FRS2: variants seen among roughly 807,000 people sequenced by gnomAD.
The protein encoded by FRS2 is fibroblast growth factor receptor substrate 2.
FRS2 carries 8 observed loss-of-function variants against 43.9 expected under a neutral mutation model. The observed-to-expected ratio is 0.18, with a 90% CI of 0.11 to 0.33. The LOEUF (loss-of-function observed/expected upper bound fraction) is 0.33. Among genes scored for constraint, FRS2 ranks in the 10% least tolerant of loss-of-function variants. The pLI is 1.00. For missense variants in FRS2, 534 were observed against 627.6 expected, an observed-to-expected ratio of 0.85 and a Z score of 1.59; for synonymous variants, 219 against 220.3, an observed-to-expected ratio of 0.99 and a Z score of 0.05.
In FRS2 at chr12:69,496,400, G is replaced by C. The variant is rs529420535; in HGVS notation, c.-261+25870G>C. 6.1e-3 allele frequency among the ~76,000 whole-genome samples: 922 copies of C among 151,938 alleles called. 10 individuals are homozygous for C. The highest frequency in any genetic ancestry group is 0.017 in the Middle Eastern group (5 of 294). ...TGCAGTGAGCCGAGATCGCGCCACT[G>C]CACCTCCAGTCTGGTGACAGAGTGA... On this transcript the variant is annotated intron_variant, in intron 1 of 8. Transcript: ENST00000549921.
At position 69,558,212 on chromosome 12, in the gene FRS2, A is replaced by G. The variant is rs1593052373; in HGVS notation, c.-121-3968A>G. Among the ~76,000 whole-genome samples, 3 of 152,312 alleles carry G rather than the reference A, an allele frequency of 2.0e-5. No homozygotes were observed. In the East Asian group the frequency reaches 5.8e-4, roughly 29 times the overall value. The stretch of plus-strand genomic sequence containing the variant: ...TGCAAGTCCAGTTGCTGTCGGGGGA[A>G]TGTTTATAAATGGATGTTGTGCCTT... On this transcript the variant is annotated intron_variant, in intron 3 of 8. Coordinates refer to ENST00000549921, the MANE Select transcript of FRS2 (RefSeq NM_001278356.2).
chr12:69,489,668 CAA>C (rs11334694), intron 1 of FRS2, among the ~76,000 whole-genome samples: 26 of 91,668 alleles, frequency 2.8e-4, no homozygotes, highest in East Asian at 1.2e-3. Flanking sequence ...GACTCCATCT[CAA>C]AAAAAAAAAA....
In FRS2 at chr12:69,565,982, GT is replaced by G. The variant is rs35354118; in HGVS notation, c.-26-3014del. 5.3e-5 allele frequency among the ~76,000 whole-genome samples: 8 copies of G among 151,362 alleles called. No individual in the cohort carries two copies. In the East Asian group the frequency reaches 5.8e-4, roughly 11 times the overall value. ...GTTTTATACACTGGCAGTGCAGTAG[GT>G]TTTTTTTTATACCAGCATTATCTCA... On this transcript the variant is annotated intron_variant, in intron 4 of 8. Transcript: ENST00000549921.
Position 69,571,256 on chromosome 12 carries a change from C to G in FRS2, c.254-20C>G. 6.5e-7 allele frequency: 1 copy of G among 1,546,418 alleles called. No homozygotes were observed. Among genetic ancestry groups the G allele is most frequent in the Non-Finnish European group, 8.7e-7 (1 of 1,144,262 alleles). Reference sequence around the variant, plus strand: ...TTAAAGGTATGTTAACTATTTTTCCCTTTTGGTTTATATTTGTAGGAATCT... The same window carrying G: ...TTAAAGGTATGTTAACTATTTTTCCGTTTTGGTTTATATTTGTAGGAATCT... On this transcript the variant is annotated intron_variant, in intron 6 of 8. Transcript: ENST00000549921.
intron 1 of FRS2, among the ~76,000 whole-genome samples, chr12:69,487,079 A>G (rs221088): frequency 0.61 from 92,576 of 152,160 alleles, 30,035 homozygotes; most frequent in African/African-American, 0.85. Context: ...GGCTTGCTAA[A>G]TTGCCCAGGC....
At chr12:69,501,159 G>A (rs1005088328) in intron 1 of FRS2, among the ~76,000 whole-genome samples, 3 of 124,620 alleles carry the variant, frequency 2.4e-5, no homozygotes, top group African/African-American at 1.1e-4. Flanking sequence ...ACTTGTTTAG[G>A]AATTGCCATC....
rs143740012 is a variant in FRS2 at position 69,567,349 on chromosome 12, G to A, written c.-26-1656G>A. Among the ~76,000 whole-genome samples the A allele has an allele frequency of 2.1e-4, 32 of 152,164 alleles. 1 individual carries two copies. The highest frequency in any genetic ancestry group is 3.4e-3 in the Middle Eastern group (1 of 294). On this transcript the variant is annotated intron_variant, in intron 4 of 8. Coordinates refer to ENST00000549921, the MANE Select transcript of FRS2 (RefSeq NM_001278356.2). The stretch of plus-strand genomic sequence containing the variant: ...TATCATATACACTCTTGGTTTATAC[G>A]CTAGTACACTTTTTCATTTTCTTAA...
At chr12:69,556,847 T>C (rs1475684367) in intron 3 of FRS2, among the ~76,000 whole-genome samples, 1 of 152,252 alleles carries the variant, frequency 6.6e-6, no homozygotes, top group East Asian at 1.9e-4. Context: ...TGAAGCCAAA[T>C]GCTTTTTAAG....
chr12:69,496,932 TCTC>T (rs1429098169), intron 1 of FRS2, among the ~76,000 whole-genome samples: 1 of 152,150 alleles, frequency 6.6e-6, no homozygotes, highest in Non-Finnish European at 1.5e-5. Context: ...AATCCTTACA[TCTC>T]CTGCAAGGTT....
At chr12:69,503,938 T>C (rs1336804143) in intron 1 of FRS2, among the ~76,000 whole-genome samples, 1 of 152,170 alleles carries the variant, frequency 6.6e-6, no homozygotes, top group Non-Finnish European at 1.5e-5. Flanking sequence ...GCCCGGTGGC[T>C]CATGCTTGTA....
At chr12:69,485,710 C>T (rs1049775422) in intron 1 of FRS2, among the ~76,000 whole-genome samples, 8 of 152,090 alleles carry the variant, frequency 5.3e-5, no homozygotes, top group African/African-American at 1.4e-4. Context: ...TTGGGTGATC[C>T]GCCCACCTTG....
intron 1 of FRS2, chr12:69,491,579 C>T (rs775098488): frequency 4.9e-5 from 7 of 143,374 alleles, no homozygotes; most frequent in African/African-American, 1.1e-4. Flanking sequence ...TAGCTCACCA[C>T]GGTCTTGAAC....
At chr12:69,477,880 A>T (rs1177779370) in intron 1 of FRS2, among the ~76,000 whole-genome samples, 1 of 151,280 alleles carries the variant, frequency 6.6e-6, no homozygotes, top group Non-Finnish European at 1.5e-5. Context: ...AGCTGGGACT[A>T]CAGGCGCCCA....
chr12:69,517,183 C>T (rs1245183721), intron 1 of FRS2, among the ~76,000 whole-genome samples: 1 of 152,196 alleles, frequency 6.6e-6, no homozygotes, highest in East Asian at 1.9e-4. Context: ...CACAGATTGT[C>T]CACGTGGGTG....
At chr12:69,530,271 CTT>C (rs750461059) in intron 1 of FRS2, among the ~76,000 whole-genome samples, 8 of 141,534 alleles carry the variant, frequency 5.7e-5, no homozygotes, top group Non-Finnish European at 4.7e-5. Context: ...CCATATATTT[CTT>C]TTTTTTTTTT....
At chr12:69,548,219 A>G (rs563923736) in intron 3 of FRS2, among the ~76,000 whole-genome samples, 1 of 152,320 alleles carries the variant, frequency 6.6e-6, no homozygotes, top group African/African-American at 2.4e-5. Context: ...GAGCAGGACA[A>G]TCAGAGGCAA....
intron 3 of FRS2, among the ~76,000 whole-genome samples, chr12:69,551,070 A>C (rs1331361001): frequency 1.3e-5 from 2 of 152,210 alleles, no homozygotes; most frequent in African/African-American, 4.8e-5. Context: ...GAAAGGAAGA[A>C]AGAAATATTC....
chr12:69,527,746 A>C (rs898612946), intron 1 of FRS2, among the ~76,000 whole-genome samples: 4 of 152,180 alleles, frequency 2.6e-5, no homozygotes, highest in African/African-American at 9.7e-5. Context: ...AAAGTTTTTA[A>C]TATTACTAGC....
intron 3 of FRS2, among the ~76,000 whole-genome samples, chr12:69,533,003 A>G (rs538544941): frequency 6.6e-6 from 1 of 152,344 alleles, no homozygotes; most frequent in South Asian, 2.1e-4. Context: ...CTGCATAAAT[A>G]GAATAGATAG....
Sources: gnomAD v4.1 joint callset for allele counts (sites outside exome capture counted in the v4.1 genomes callset) on GRCh38, gnomAD v4.1.1 for gene constraint, MANE v1.5 for transcripts, NCBI Gene and HGNC (gene_info 2026-07-23, HGNC 2026-07-21) for gene names.